SMIM14: variants seen among roughly 807,000 people sequenced by gnomAD.
SMIM14 encodes the protein small integral membrane protein 14, also known as chromosome 4 open reading frame 34.
A neutral mutation model predicts 12.6 loss-of-function variants in SMIM14; 5 were observed. The ratio of observed to expected loss-of-function variants is 0.40; its 90% confidence interval spans 0.21 to 0.83. SMIM14 has a LOEUF of 0.83. SMIM14 is among the 40% of genes least tolerant of loss of function. The pLI is 0.37. For missense variants in SMIM14, 86 were observed against 119.1 expected, an observed-to-expected ratio of 0.72 and a Z score of 1.29; for synonymous variants, 30 against 40.1, an observed-to-expected ratio of 0.75 and a Z score of 0.95.
At chr4:39,556,719 T>A in intron 3 of SMIM14, 149 bp from the exon 4 acceptor site, 1 of 754,852 alleles carries the variant, frequency 1.3e-6, no homozygotes, top group Non-Finnish European at 2.0e-6. Flanking sequence ...TCAATTTCCC[T>A]TTCCCCCAGT....
chr4:39,557,690 A>T (rs1336966009), intron 3 of SMIM14, among the ~76,000 whole-genome samples: 1 of 152,170 alleles, frequency 6.6e-6, no homozygotes, highest in Admixed American at 6.5e-5. Flanking sequence ...CAAATTCCAC[A>T]ATTTTGTATA....
chr4:39,624,997 G>A (rs1715637507), intron 1 of SMIM14, among the ~76,000 whole-genome samples: 1 of 150,978 alleles, frequency 6.6e-6, no homozygotes, highest in Admixed American at 6.6e-5. Context: ...ATGAGGTCAG[G>A]AGTTTGAGAC....
intron 3 of SMIM14, among the ~76,000 whole-genome samples, chr4:39,561,871 C>T (rs1198259620): frequency 3.3e-5 from 5 of 151,922 alleles, no homozygotes; most frequent in Non-Finnish European, 5.9e-5. Flanking sequence ...GAAGACAGGT[C>T]GCAGTGAGCC....
intron 1 of SMIM14, among the ~76,000 whole-genome samples, chr4:39,632,035 T>C (rs1295195015): frequency 6.6e-6 from 1 of 152,114 alleles, no homozygotes; most frequent in Non-Finnish European, 1.5e-5. Context: ...AGCCCTACTA[T>C]ACACCTAAAA....
intron 1 of SMIM14, among the ~76,000 whole-genome samples, chr4:39,635,627 T>C (rs1374532853): frequency 6.6e-6 from 1 of 152,122 alleles, no homozygotes; most frequent in African/African-American, 2.4e-5. Context: ...AACTAGATTA[T>C]GTAATAAGTA....
intron 2 of SMIM14, chr4:39,593,583 G>T (rs1374185082): frequency 6.6e-6 from 1 of 152,140 alleles, no homozygotes; most frequent in Non-Finnish European, 1.5e-5. Context: ...GAAATAAAGG[G>T]TATTCAATTA....
intron 2 of SMIM14, among the ~76,000 whole-genome samples, chr4:39,596,157 G>A (rs896247373): frequency 4.0e-5 from 6 of 151,754 alleles, no homozygotes; most frequent in African/African-American, 1.5e-4. Flanking sequence ...GTGCAATGGC[G>A]TGATCTCGGC....
intron 1 of SMIM14, among the ~76,000 whole-genome samples, chr4:39,629,944 A>T (rs1177526906): frequency 6.6e-6 from 1 of 152,192 alleles, no homozygotes; most frequent in Non-Finnish European, 1.5e-5. Context: ...AGTTTTTAAC[A>T]GCTGTATTAC....
rs1560306497 is a variant in SMIM14 at position 39,618,664 on chromosome 4, A to AAC, written c.-35-13485_-35-13484insGT. On this transcript the variant is annotated intron_variant, in intron 1 of 4. Coordinates refer to ENST00000295958, the MANE Select transcript of SMIM14 (RefSeq NM_174921.3). ...GACTCCATCTCAAAAAAAAAAAAAA[A>AAC]CAAAAAAAAAAAACCAAAGCCCAGT... Among the ~76,000 whole-genome samples, 3 of 147,570 alleles carry AAC rather than the reference A, an allele frequency of 2.0e-5. No individual in the cohort carries two copies. In the East Asian group the frequency reaches 6.0e-4, roughly 29 times the overall value.
intron 2 of SMIM14, among the ~76,000 whole-genome samples, chr4:39,595,413 GGGA>G (rs1714311899): frequency 9.1e-6 from 1 of 109,882 alleles, no homozygotes; most frequent in African/African-American, 3.6e-5. Context: ...GTGGGGTGGG[GGGA>G]GGGGGGAGGG....
chr4:39,626,750 G>A lies in SMIM14; in HGVS notation c.-36+11989C>T, dbSNP rs1175939862. On this transcript the variant is annotated intron_variant, in intron 1 of 4. Coordinates refer to ENST00000295958, the MANE Select transcript of SMIM14 (RefSeq NM_174921.3). ...GCTCAAAACTCAAGGAAAGGAGAAC[G>A]CTTTTCTCCTTGACCTTCTATTCCA... 3.9e-5 allele frequency among the ~76,000 whole-genome samples: 6 copies of A among 152,240 alleles called. No homozygotes were observed. The South Asian group carries it at 1.2e-3, about 32-fold the overall frequency.
rs957945915 is a variant in SMIM14, at chr4:39,549,490, T to G, written c.*2636A>C. ...GGTTTCACCGTCTTGGCCAGGCTGGTCTCAACCTCCTGACCTCAAGTGATC... is the reference window on the plus strand; with the variant it reads ...GGTTTCACCGTCTTGGCCAGGCTGGGCTCAACCTCCTGACCTCAAGTGATC... On this transcript the variant is annotated 3_prime_UTR_variant, in exon 5 of 5. Transcript: ENST00000295958. 6.6e-6 allele frequency: 1 copy of G among 152,156 alleles called. No homozygotes were observed. Among genetic ancestry groups the G allele is most frequent in the Non-Finnish European group, 1.5e-5 (1 of 68,088 alleles). 9.4% of individuals were successfully genotyped at this position (152,156 alleles called of 1,614,324 possible).
At chr4:39,599,933 CAAAAAA>C (rs56285045) in intron 2 of SMIM14, among the ~76,000 whole-genome samples, 1 of 115,078 alleles carries the variant, frequency 8.7e-6, no homozygotes. Context: ...AAAACAACAA[CAAAAAA>C]AAAAAAAAAA....
At chr4:39,562,799 AC>A (rs1712375744) in intron 3 of SMIM14, among the ~76,000 whole-genome samples, 1 of 127,574 alleles carries the variant, frequency 7.8e-6, no homozygotes, top group African/African-American at 4.3e-5. Context: ...GAGCGACCCC[AC>A]CTGACCCTAA....
At chr4:39,552,325 A>G (rs866255803) in intron 4 of SMIM14, among the ~76,000 whole-genome samples, 167 bp from the exon 5 acceptor site, 3 of 152,150 alleles carry the variant, frequency 2.0e-5, no homozygotes, top group African/African-American at 7.2e-5. Context: ...TCCCAAATAT[A>G]TGCTTATTTG....
intron 2 of SMIM14, among the ~76,000 whole-genome samples, chr4:39,574,144 T>C (rs778054897): frequency 1.8e-4 from 27 of 152,006 alleles, no homozygotes; most frequent in Non-Finnish European, 3.2e-4. Flanking sequence ...TGGAATTGTT[T>C]GGGACGGCAA....
At position 39,552,121 on chromosome 4, in the gene SMIM14, C is replaced by T. The variant is rs1485072923; in HGVS notation, c.*5G>A. The stretch of plus-strand genomic sequence containing the variant: ...TTAACTATTTTCACTTCCCATATCA[C>T]AAAGTTAGTCCACAGGAGGAGCTGG... On this transcript the variant is annotated 3_prime_UTR_variant, in exon 5 of 5. Coordinates refer to ENST00000295958, the MANE Select transcript of SMIM14 (RefSeq NM_174921.3). 1 of 1,593,556 alleles carries T rather than the reference C, an allele frequency of 6.3e-7. No homozygotes were observed. The highest frequency in any genetic ancestry group is 1.7e-5 in the Admixed American group (1 of 58,238).
chr4:39,567,709 C>T (rs1212568227), intron 3 of SMIM14, among the ~76,000 whole-genome samples: 1 of 151,836 alleles, frequency 6.6e-6, no homozygotes, highest in African/African-American at 2.4e-5. Flanking sequence ...TGCACTCCAG[C>T]TTGGGCAACA....
intron 1 of SMIM14, among the ~76,000 whole-genome samples, chr4:39,619,163 TTTA>T (rs1402056786): frequency 6.7e-6 from 1 of 148,244 alleles, no homozygotes; most frequent in Non-Finnish European, 1.5e-5. Flanking sequence ...TATAATTTAA[TTTA>T]TTATATATAC....
Sources: allele counts gnomAD v4.1 joint callset (sites outside exome capture counted in the v4.1 genomes callset), GRCh38; gene constraint gnomAD v4.1.1; transcripts MANE v1.5; gene names NCBI Gene and HGNC (gene_info 2026-07-23, HGNC 2026-07-21).